MAN2A1: variants seen among roughly 807,000 people sequenced by gnomAD.
MAN2A1 encodes mannosidase alpha class 2A member 1.
Under a neutral mutation model 142.6 loss-of-function variants are expected in MAN2A1, and 76 were observed. The ratio of observed to expected loss-of-function variants is 0.53; its 90% CI spans 0.44 to 0.65. MAN2A1 has a LOEUF of 0.65. Ranked by LOEUF, MAN2A1 falls within the 30% of genes least tolerant of loss-of-function variation. The pLI is 0.00. For synonymous variants in MAN2A1, 559 were observed against 473.2 expected (o/e 1.18, Z -2.35); for missense variants, 1,311 against 1,365.1 (o/e 0.96, Z 0.62).
At chr5:109,713,920 C>G in intron 2 of MAN2A1, 146 bp downstream of exon 2, 1 of 684,050 alleles carries the variant, frequency 1.5e-6, no homozygotes, top group Non-Finnish European at 2.4e-6. Context: ...TGATTAGTCA[C>G]ATGAACATTA....
chr5:109,696,877 T>C (rs1354460344), intron 1 of MAN2A1, among the ~76,000 whole-genome samples: 2 of 152,250 alleles, frequency 1.3e-5, no homozygotes, highest in African/African-American at 4.8e-5. Context: ...TCAGGATGCC[T>C]GAAATTCACT....
At chr5:109,801,874 CATAAA>C (rs1478330585) in intron 12 of MAN2A1, among the ~76,000 whole-genome samples, 4 of 152,014 alleles carry the variant, frequency 2.6e-5, no homozygotes, top group Non-Finnish European at 2.9e-5. Flanking sequence ...AAGAAAAGCT[CATAAA>C]ATAAGAGCAT....
intron 20 of MAN2A1, among the ~76,000 whole-genome samples, chr5:109,860,445 T>C (rs966192785): frequency 7.9e-5 from 12 of 152,128 alleles, no homozygotes; most frequent in African/African-American, 2.9e-4. Flanking sequence ...AGAATCTGAG[T>C]GGGTTGGAGA....
intron 8 of MAN2A1, among the ~76,000 whole-genome samples, chr5:109,779,436 G>A (rs1044700921): frequency 2.6e-5 from 4 of 151,994 alleles, no homozygotes; most frequent in Non-Finnish European, 4.4e-5. Flanking sequence ...TATTTAGATC[G>A]TAGACTATTT....
chr5:109,738,930 A>G (rs1028583824), intron 4 of MAN2A1, among the ~76,000 whole-genome samples: 1 of 151,972 alleles, frequency 6.6e-6, no homozygotes, highest in African/African-American at 2.4e-5. Context: ...TGCAGTCTCA[A>G]CCTCCTGGGC....
At chr5:109,725,382 C>T (rs541778807) in intron 3 of MAN2A1, among the ~76,000 whole-genome samples, 16 of 152,272 alleles carry the variant, frequency 1.1e-4, no homozygotes, top group African/African-American at 3.4e-4. Context: ...TTGATTGAAG[C>T]GGTCCTGGTG....
At chr5:109,838,731 T>A (rs1211215193) in intron 16 of MAN2A1, among the ~76,000 whole-genome samples, 1 of 152,236 alleles carries the variant, frequency 6.6e-6, no homozygotes, top group East Asian at 1.9e-4. Flanking sequence ...TTAAGTTTAA[T>A]CTTATTTTAA....
chr5:109,857,163 C>T (rs1013174261), intron 20 of MAN2A1, among the ~76,000 whole-genome samples: 5 of 152,126 alleles, frequency 3.3e-5, no homozygotes, highest in East Asian at 3.8e-4. Flanking sequence ...GCCCTGAGGC[C>T]GGAGAGATAT....
At chr5:109,844,788 C>G (rs916711851) in intron 17 of MAN2A1, among the ~76,000 whole-genome samples, 2 of 152,208 alleles carry the variant, frequency 1.3e-5, no homozygotes, top group Non-Finnish European at 2.9e-5. Context: ...TTGTATCTGT[C>G]TGTCTGTGTC....
rs758502241 is a variant in MAN2A1 at position 109,817,296 on chromosome 5, T to C, written c.1967T>C (p.Leu656Ser). 6.2e-6 allele frequency: 10 copies of C among 1,614,144 alleles called. No homozygotes were observed. The South Asian group carries it at 7.7e-5, about 12-fold the overall frequency. The change falls in exon 13 of 22, where the codon TTA becomes TCA. Residue 656 changes from leucine to serine, a missense_variant. Coordinates refer to ENST00000261483, the MANE Select transcript of MAN2A1 (RefSeq NM_002372.4). ...AGGTACCTTGTGGTCTATAATCCTT[T>C]AGAACAAGACCGAATCTCGTTGGTC... ...EPRYLVVYNP[L>S]EQDRISLVSV... is the part of the protein sequence containing the mutation.
chr5:109,828,581 T>G (rs1754821581), intron 16 of MAN2A1, among the ~76,000 whole-genome samples: 1 of 152,222 alleles, frequency 6.6e-6, no homozygotes, highest in Non-Finnish European at 1.5e-5. Context: ...ATTAGGTCAC[T>G]GTGGGTAACG....
intron 8 of MAN2A1, among the ~76,000 whole-genome samples, chr5:109,778,833 T>C (rs749997655): frequency 3.9e-5 from 6 of 152,118 alleles, no homozygotes; most frequent in Non-Finnish European, 5.9e-5. Flanking sequence ...ATAAATTTAA[T>C]ATTTTCTTTT....
At chr5:109,760,961 T>TA (rs1752826717) in intron 5 of MAN2A1, among the ~76,000 whole-genome samples, 1 of 151,940 alleles carries the variant, frequency 6.6e-6, no homozygotes, top group Non-Finnish European at 1.5e-5. Flanking sequence ...ATATGAGCAC[T>TA]TTGTCACATA....
chr5:109,769,193 C>T (rs768754867), intron 6 of MAN2A1, among the ~76,000 whole-genome samples: 8 of 151,908 alleles, frequency 5.3e-5, no homozygotes, highest in East Asian at 1.9e-4. Context: ...ACAGTGTCAC[C>T]GTTGTGAATA....
Position 109,716,085 on chromosome 5 carries a change from GTTAAAC to G in MAN2A1, c.391-32_391-27del, listed in dbSNP as rs1001938880. The stretch of plus-strand genomic sequence containing the variant: ...ATTTACCAACATTAAATTAATAATT[GTTAAAC>G]TTTAATTTTTTTTCTTTTACATTTT... On this transcript the variant is annotated intron_variant, in intron 2 of 21. Coordinates refer to ENST00000261483, the MANE Select transcript of MAN2A1 (RefSeq NM_002372.4). 5.5e-6 allele frequency: 8 copies of G among 1,455,796 alleles called. No homozygotes were observed. The African/African-American group carries it at 8.6e-5, about 16-fold the overall frequency. The allele number at this position is 1,455,796 out of a possible 1,614,324, so 90.2% of individuals were successfully genotyped here. A position where few individuals can be genotyped will look rare whatever the true frequency, so the allele number is the denominator to read the frequency against.
At chr5:109,696,995 A>G (rs12520726) in intron 1 of MAN2A1, among the ~76,000 whole-genome samples, 2,293 of 152,332 alleles carry the variant, frequency 0.015, 70 homozygotes, top group Admixed American at 0.076. Flanking sequence ...AATGGAACGT[A>G]AAAAAATTCT....
At chr5:109,733,675 C>T (rs10477977) in intron 4 of MAN2A1, among the ~76,000 whole-genome samples, 12,467 of 151,422 alleles carry the variant, frequency 0.082, 602 homozygotes, top group African/African-American at 0.15. Flanking sequence ...TATTGATTAG[C>T]GTATATTGAA....
chr5:109,833,324 G>A (rs1754974407), intron 16 of MAN2A1, among the ~76,000 whole-genome samples: 1 of 152,150 alleles, frequency 6.6e-6, no homozygotes, highest in South Asian at 2.1e-4. Flanking sequence ...CAGGCGGCTG[G>A]GAGGTGGAGG....
chr5:109,744,883 T>G (rs773897623), intron 4 of MAN2A1, among the ~76,000 whole-genome samples: 32 of 152,098 alleles, frequency 2.1e-4, no homozygotes, highest in Non-Finnish European at 4.0e-4. Context: ...GGTGATGGAT[T>G]AAAAAATTGT....
Sources: allele counts gnomAD v4.1 joint callset (sites outside exome capture counted in the v4.1 genomes callset), GRCh38; gene constraint gnomAD v4.1.1; transcripts MANE v1.5; gene names NCBI Gene and HGNC (gene_info 2026-07-23, HGNC 2026-07-21).